Variants in COBLL1 observed in about 807,000 individuals in gnomAD.
COBLL1 encodes the protein cordon-bleu WH2 repeat protein like 1, also known as cordon-bleu protein-like 1.
In COBLL1, 50 loss-of-function variants were observed where a neutral mutation model predicts 94.8. That is an observed-to-expected ratio of 0.53 (90% CI 0.42 to 0.67). The LOEUF (loss-of-function observed/expected upper bound fraction) is 0.67, where lower values mean the gene tolerates loss of function less well. Ranked by LOEUF, COBLL1 falls within the 30% of genes least tolerant of loss-of-function variation. The pLI, the probability that COBLL1 is intolerant of heterozygous loss-of-function variation, is 0.00. For synonymous variants in COBLL1, 448 were observed against 473.8 expected (o/e 0.95, Z 0.71); for missense variants, 1,362 against 1,348.7 (o/e 1.01, Z -0.15).
At chr2:164,786,555 CAGG>C (rs1688965063) in intron 2 of COBLL1, among the ~76,000 whole-genome samples, 1 of 152,032 alleles carries the variant, frequency 6.6e-6, no homozygotes, top group African/African-American at 2.4e-5. Flanking sequence ...TTGGGTGATC[CAGG>C]AGAAGAAGCT....
Position 164,700,582 on chromosome 2 carries a change from C to G in COBLL1, c.1400G>C (p.Ser467Thr). 6.2e-7 allele frequency: 1 copy of G among 1,613,898 alleles called. No individual in the cohort carries two copies. Residue 467 changes from serine (S) to threonine (T), a missense_variant, in exon 10 of 14, where the codon AGT (serine) becomes ACT (threonine). By Grantham distance (58) the Ser-to-Thr change is moderately conservative. Transcript: ENST00000652658. ...NDPDSALGNG[S>T]GEFSQNSMEE... ...CATGGAGTTTTGTGAGAACTCTCCA[C>G]TACCATTGCCAAGGGCTGAGTCAGG...
chr2:164,829,275 G>A (rs1419770517), intron 2 of COBLL1, among the ~76,000 whole-genome samples: 1 of 152,090 alleles, frequency 6.6e-6, no homozygotes, highest in Non-Finnish European at 1.5e-5. Flanking sequence ...GAGTTACAAA[G>A]TGAATACAAG....
Position 164,779,074 on chromosome 2 carries a change from G to A in COBLL1, c.42-35199C>T, listed in dbSNP as rs79837223. 3.7e-3 allele frequency among the ~76,000 whole-genome samples: 565 copies of A among 151,908 alleles called. 7 individuals carry two copies. The highest frequency in any genetic ancestry group is 0.012 in the African/African-American group (514 of 41,312). ...ATTGGAAACATGGTCTTTAAGTTTC[G>A]CAGTCTCCAAATGAGATCAATTGCT... On this transcript the variant is annotated intron_variant, in intron 2 of 13. Transcript: ENST00000652658.
chr2:164,730,014 T>G lies in COBLL1; in HGVS notation c.332A>C (p.Lys111Thr). 6.2e-7 allele frequency: 1 copy of G among 1,614,082 alleles called. No homozygotes were observed. The highest frequency in any genetic ancestry group is 8.5e-7 in the Non-Finnish European group (1 of 1,179,948). ...DLLSAEQNHI[K>T]FKPNTPIGML... ...TCCTATTGGTGTGTTTGGCTTAAATTTAATGTGGTTCTGTTCAGCTGACAA... is the reference window on the plus strand; with the variant it reads ...TCCTATTGGTGTGTTTGGCTTAAATGTAATGTGGTTCTGTTCAGCTGACAA... Residue 111 changes from lysine to threonine, a missense_variant, in exon 4 of 14, where the codon AAA becomes ACA. By Grantham distance (78) the Lys-to-Thr change is moderately conservative. Transcript: ENST00000652658.
chr2:164,744,022 G>A (rs1015735940), intron 2 of COBLL1, 147 bp from the exon 3 acceptor site: 11 of 563,674 alleles, frequency 2.0e-5, no homozygotes, highest in African/African-American at 1.4e-4. Context: ...AGTGTTGGAT[G>A]GTCGAATTAG....
In COBLL1 at chr2:164,841,605, C is replaced by T. The variant is rs1362795487; in HGVS notation, c.-51+105G>A. On this transcript the variant is annotated intron_variant, in intron 1 of 13. Coordinates refer to ENST00000652658, the MANE Select transcript of COBLL1 (RefSeq NM_001365672.2). The surrounding 1 kb of genome is among the most constrained non-coding windows in gnomAD (Gnocchi z 5.5). ...CCGCTGCCACGCCGGCAGCGCACTC[C>T]CAGGCTCCTCCGGCCGAGTTTGCAC... 3 of 380,688 alleles carry T rather than the reference C, an allele frequency of 7.9e-6. No individual in the cohort carries two copies. The highest frequency in any genetic ancestry group is 1.2e-5 in the Non-Finnish European group (3 of 241,528). 23.6% of individuals were successfully genotyped at this position (380,688 alleles called of 1,614,324 possible). A position where few individuals can be genotyped will look rare whatever the true frequency, so the allele number is the denominator to read the frequency against.
intron 5 of COBLL1, among the ~76,000 whole-genome samples, chr2:164,726,171 G>T (rs1489474602): frequency 1.3e-5 from 2 of 152,134 alleles, no homozygotes; most frequent in African/African-American, 4.8e-5. Context: ...TATGGAATTT[G>T]CTTAGGATTA....
intron 2 of COBLL1, among the ~76,000 whole-genome samples, chr2:164,785,978 G>A (rs1688937609): frequency 6.6e-6 from 1 of 151,680 alleles, no homozygotes; most frequent in Non-Finnish European, 1.5e-5. Context: ...TTTGATTAAG[G>A]AATTGAAATG....
At chr2:164,659,408 A>T (rs1235576477) in intron 2 of COBLL1, among the ~76,000 whole-genome samples, 1 of 152,230 alleles carries the variant, frequency 6.6e-6, no homozygotes, top group Non-Finnish European at 1.5e-5. Context: ...GTTATGTTCT[A>T]TCTTTTCTTC....
intron 2 of COBLL1, among the ~76,000 whole-genome samples, chr2:164,754,152 T>C (rs754349402): frequency 2.6e-5 from 4 of 152,164 alleles, no homozygotes; most frequent in East Asian, 1.9e-4. Context: ...CTATATTCCA[T>C]AGACTTAGTA....
At position 164,695,410 on chromosome 2, in the gene COBLL1, C is replaced by G; in HGVS notation, c.1982G>C (p.Gly661Ala). 1 of 1,613,724 alleles carries G rather than the reference C, an allele frequency of 6.2e-7. No homozygotes were observed. The highest frequency in any genetic ancestry group is 8.5e-7 in the Non-Finnish European group (1 of 1,179,882). Residue 661 changes from glycine (G) to alanine (A), a missense_variant, in exon 12 of 14, where the codon GGC becomes GCC. Transcript: ENST00000652658. ...ATCTTCTGAATGTATAATTAGGGTG[C>G]CTTGACTCCTGAATTCCCTTGAGGT... is the stretch of plus-strand genomic sequence containing the variant. ...VNTSREFRSQ[G>A]TLIIHSEDPL...
intron 13 of COBLL1, 90 bp downstream of exon 13, chr2:164,692,131 A>G: frequency 8.3e-7 from 1 of 1,207,010 alleles, no homozygotes; most frequent in Non-Finnish European, 1.1e-6. Context: ...CCCTATTTAG[A>G]TTTACATGCT....
chr2:164,699,528 G>T, intron 10 of COBLL1, 29 bp from the exon 11 acceptor site: 2 of 1,327,390 alleles, frequency 1.5e-6, no homozygotes, highest in South Asian at 1.2e-5. Context: ...TATGTTATAT[G>T]TTGATACTAT....
At chr2:164,807,753 G>T (rs1420958540) in intron 2 of COBLL1, among the ~76,000 whole-genome samples, 2 of 151,916 alleles carry the variant, frequency 1.3e-5, no homozygotes, top group Non-Finnish European at 2.9e-5. Context: ...AAGCATTTAG[G>T]ATAATTTAAT....
chr2:164,769,127 T>G (rs1040237790), intron 2 of COBLL1, among the ~76,000 whole-genome samples: 1 of 152,130 alleles, frequency 6.6e-6, no homozygotes, highest in Non-Finnish European at 1.5e-5. Context: ...GATACACACA[T>G]ACTCTACCAT....
intron 9 of COBLL1, among the ~76,000 whole-genome samples, chr2:164,701,103 A>T (rs903109853): frequency 6.6e-6 from 1 of 152,244 alleles, no homozygotes; most frequent in African/African-American, 2.4e-5. Flanking sequence ...AGTGCAAATT[A>T]AAGGCAAATT....
chr2:164,727,055 A>G, intron 5 of COBLL1: 2 of 949,060 alleles, frequency 2.1e-6, no homozygotes, highest in South Asian at 1.7e-5. Context: ...CTTAATTTCA[A>G]TATATCCAAT....
chr2:164,767,944 A>G (rs1399256969), intron 2 of COBLL1, among the ~76,000 whole-genome samples: 1 of 152,232 alleles, frequency 6.6e-6, no homozygotes, highest in Non-Finnish European at 1.5e-5. Context: ...AAGGTGAACT[A>G]GAAATTACCC....
At chr2:164,735,351 T>G (rs996496301) in intron 3 of COBLL1, among the ~76,000 whole-genome samples, 3 of 152,232 alleles carry the variant, frequency 2.0e-5, no homozygotes, top group Non-Finnish European at 2.9e-5. Context: ...ATTAATAAGC[T>G]TGTTTTGCCT....
Sources: gnomAD v4.1 joint callset for allele counts (sites outside exome capture counted in the v4.1 genomes callset) on GRCh38, gnomAD v4.1.1 for gene constraint, Gnocchi (gnomAD v3.1) non-coding constraint, MANE v1.5 for transcripts, NCBI Gene and HGNC (gene_info 2026-07-23, HGNC 2026-07-21) for gene names.